ZNF831: variants seen among roughly 807,000 people sequenced by gnomAD.
The protein encoded by ZNF831 is chromosome 20 open reading frame 174.
In ZNF831, 59 loss-of-function variants were observed where a neutral mutation model predicts 95.8. The observed-to-expected ratio is 0.62, with a 90% CI of 0.50 to 0.77. The LOEUF (loss-of-function observed/expected upper bound fraction) is 0.77. ZNF831 is among the 30% of genes least tolerant of loss of function. ZNF831 has a pLI of 0.00. For missense variants in ZNF831, 2,205 were observed against 2,164.0 expected (o/e 1.02, Z -0.38); for synonymous variants, 961 against 925.5 (o/e 1.04, Z -0.70).
chr20:59,177,677 C>G (rs1171654920), intron 1 of ZNF831, among the ~76,000 whole-genome samples: 1 of 152,236 alleles, frequency 6.6e-6, no homozygotes, highest in Non-Finnish European at 1.5e-5. Flanking sequence ...CCCTCACTGG[C>G]TGGACGAGGA....
intron 1 of ZNF831, among the ~76,000 whole-genome samples, chr20:59,125,448 A>C (rs1601287248): frequency 1.3e-5 from 2 of 149,892 alleles, no homozygotes; most frequent in African/African-American, 2.5e-5. Flanking sequence ...GGCTCTCCCC[A>C]CCCCCCCGCA....
At chr20:59,171,552 G>C (rs1012291343) in intron 1 of ZNF831, among the ~76,000 whole-genome samples, 1 of 152,222 alleles carries the variant, frequency 6.6e-6, no homozygotes, top group Non-Finnish European at 1.5e-5. Flanking sequence ...TGCAGTCATT[G>C]TACTCAGCAC....
At position 59,254,528 on chromosome 20, in the gene ZNF831, T is replaced by G. The variant is rs1443697006; in HGVS notation, c.4819T>G (p.Ser1607Ala). The G allele has an allele frequency of 1.2e-6, 2 of 1,614,106 alleles. No individual in the cohort carries two copies. The highest frequency in any genetic ancestry group is 2.2e-5 in the East Asian group (1 of 44,872). Residue 1607 changes from serine (S) to alanine (A), a missense_variant, in exon 6 of 6, where the codon TCT becomes GCT. Transcript: ENST00000371030. This position sits in a 1 kb window ranked among gnomAD's most constrained non-coding sequence, Gnocchi z 4.5. ...TGGGGAAATGACTGTCCCCTGCCCC[T>G]CTTTAGGAAGTGACGGTAGGAAACG... is the stretch of plus-strand genomic sequence containing the variant. ...GCGEMTVPCP[S>A]LGSDGRKRQV...
At chr20:59,139,463 A>G (rs912756581) in intron 1 of ZNF831, among the ~76,000 whole-genome samples, 2 of 152,152 alleles carry the variant, frequency 1.3e-5, no homozygotes, top group Non-Finnish European at 2.9e-5. Flanking sequence ...TGAAATCAGG[A>G]TGGCTCTTAG....
intron 3 of ZNF831, among the ~76,000 whole-genome samples, chr20:59,202,214 G>A (rs931165201): frequency 1.3e-5 from 2 of 151,608 alleles, no homozygotes; most frequent in South Asian, 4.2e-4. Context: ...TAAAGTTTAA[G>A]TTCAATTGTT....
At position 59,166,538 on chromosome 20, in the gene ZNF831, C is replaced by T. The variant is rs74423862; in HGVS notation, c.-37+2331C>T. On this transcript the variant is annotated intron_variant, in intron 1 of 5. Transcript: ENST00000371030. ...GAACATTTCTGTCACCGCAAGGATG[C>T]GTCGTGGACACCCCAAATCCCTCCT... 9.0e-3 allele frequency among the ~76,000 whole-genome samples: 1,374 copies of T among 152,242 alleles called. 19 individuals are homozygous for T. Among genetic ancestry groups the T allele is most frequent in the African/African-American group, 0.032 (1,310 of 41,532 alleles).
intron 5 of ZNF831, 119 bp downstream of exon 5, chr20:59,253,257 C>T (rs938241784): frequency 3.7e-5 from 42 of 1,135,928 alleles, no homozygotes; most frequent in Admixed American, 1.6e-4. Flanking sequence ...TATGAAGATT[C>T]GTGGCACAGA....
chr20:59,137,981 C>A (rs1454752273), intron 1 of ZNF831, among the ~76,000 whole-genome samples: 1 of 152,108 alleles, frequency 6.6e-6, no homozygotes, highest in Non-Finnish European at 1.5e-5. Context: ...TGCATTATTT[C>A]CCAAATCCCA....
rs768975903 is a variant in ZNF831, at chr20:59,191,501, A to T, written c.482A>T (p.Lys161Met). Residue 161 changes from lysine (K) to methionine (M), a missense_variant, in exon 2 of 6, where the codon AAG (lysine) becomes ATG (methionine). By Grantham distance (95) the Lys-to-Met change is moderately conservative (BLOSUM62 -1). Transcript: ENST00000371030. ...RDCLKPSVLE[K>M]HIRSHTGERP... Reference sequence around the variant, plus strand: ...TGCCTGAAGCCCAGTGTTCTAGAGAAGCACATCCGGTCCCACACGGGTGAG... The same window carrying T: ...TGCCTGAAGCCCAGTGTTCTAGAGATGCACATCCGGTCCCACACGGGTGAG... 1 of 1,613,110 alleles carries T rather than the reference A, an allele frequency of 6.2e-7. No individual in the cohort carries two copies. The highest frequency in any genetic ancestry group is 2.2e-5 in the East Asian group (1 of 44,862).
At chr20:59,142,690 T>A (rs140514198) in intron 1 of ZNF831, among the ~76,000 whole-genome samples, 1 of 152,242 alleles carries the variant, frequency 6.6e-6, no homozygotes, top group Non-Finnish European at 1.5e-5. Flanking sequence ...TGATGAGGAA[T>A]GCCTCTAGCA....
At chr20:59,149,299 T>C (rs1371282180) in intron 2 of ZNF831, among the ~76,000 whole-genome samples, 2 of 152,152 alleles carry the variant, frequency 1.3e-5, no homozygotes. Context: ...GGGATGTTAA[T>C]CCTTGGGCCC....
intron 1 of ZNF831, among the ~76,000 whole-genome samples, chr20:59,138,961 G>A (rs1209375570): frequency 6.6e-6 from 1 of 151,952 alleles, no homozygotes; most frequent in Admixed American, 6.6e-5. Flanking sequence ...TCCTCAGAGA[G>A]GTCCTCTCCG....
intron 3 of ZNF831, among the ~76,000 whole-genome samples, chr20:59,205,386 C>T (rs1311848256): frequency 6.6e-6 from 1 of 152,192 alleles, no homozygotes; most frequent in Non-Finnish European, 1.5e-5. Context: ...GCCACCACTG[C>T]CTCCCCCACC....
chr20:59,248,645 TC>T (rs1987732040), intron 4 of ZNF831, among the ~76,000 whole-genome samples: 1 of 152,248 alleles, frequency 6.6e-6, no homozygotes, highest in African/African-American at 2.4e-5. Flanking sequence ...TTTTACTTCT[TC>T]ATTGAATTGA....
intron 3 of ZNF831, 36 bp downstream of exon 3, chr20:59,196,041 AC>A: frequency 6.2e-7 from 1 of 1,605,866 alleles, no homozygotes; most frequent in Non-Finnish European, 8.5e-7. Flanking sequence ...TTTCCACAAA[AC>A]CCCAAGAAGA....
At chr20:59,152,249 A>G (rs1980287271) in intron 2 of ZNF831, among the ~76,000 whole-genome samples, 2 of 152,176 alleles carry the variant, frequency 1.3e-5, no homozygotes, top group South Asian at 4.1e-4. Context: ...ATCCACTACA[A>G]TGTAAGACAG....
intron 4 of ZNF831, among the ~76,000 whole-genome samples, chr20:59,218,994 C>G (rs1985897712): frequency 6.6e-6 from 1 of 152,048 alleles, no homozygotes; most frequent in Non-Finnish European, 1.5e-5. Flanking sequence ...GCCTAGGTGA[C>G]AGAGTGAGAC....
intron 1 of ZNF831, among the ~76,000 whole-genome samples, chr20:59,173,469 G>A (rs1981898881): frequency 6.6e-6 from 1 of 152,144 alleles, no homozygotes; most frequent in Admixed American, 6.5e-5. Context: ...AGTGCTCAAG[G>A]ACGCGAAAAG....
Position 59,169,169 on chromosome 20 carries a change from G to A in ZNF831, c.-37+4962G>A, listed in dbSNP as rs1981529945. Among the ~76,000 whole-genome samples, 1 of 152,128 alleles carries A rather than the reference G, an allele frequency of 6.6e-6. No homozygotes were observed. ...GTTAGAATTCTCCACATCAGGGCCT[G>A]GAGACTTCTTAGCAGGGAGCTTCAA... On this transcript the variant is annotated intron_variant, in intron 1 of 5. Transcript: ENST00000371030. This position sits in a 1 kb window ranked among gnomAD's most constrained non-coding sequence, Gnocchi z 4.1.
Sources: allele counts gnomAD v4.1 joint callset (sites outside exome capture counted in the v4.1 genomes callset), GRCh38; gene constraint gnomAD v4.1.1; non-coding constraint Gnocchi (gnomAD v3.1); transcripts MANE v1.5; gene names NCBI Gene and HGNC (gene_info 2026-07-23, HGNC 2026-07-21).